Variants in DAB1 observed in about 807,000 individuals in gnomAD.
DAB1 encodes the protein DAB adaptor protein 1.
DAB1 carries 15 observed loss-of-function variants against 64.6 expected under a neutral mutation model. The ratio of observed to expected loss-of-function variants is 0.23; its 90% CI spans 0.16 to 0.36. The LOEUF is 0.36. Among genes scored for constraint, DAB1 ranks in the 10% least tolerant of loss-of-function variants. DAB1 has a pLI of 1.00. For missense variants in DAB1, 596 were observed against 706.7 expected (o/e 0.84, Z 1.78); for synonymous variants, 235 against 251.9 (o/e 0.93, Z 0.64).
intron 5 of DAB1, among the ~76,000 whole-genome samples, chr1:57,963,671 C>T (rs765759855): frequency 1.1e-4 from 16 of 152,182 alleles, no homozygotes; most frequent in Non-Finnish European, 1.8e-4. Flanking sequence ...AGACACCCTG[C>T]GTCACGCCCA....
chr1:57,660,935 T>C (rs1369969923), intron 6 of DAB1, among the ~76,000 whole-genome samples: 1 of 152,180 alleles, frequency 6.6e-6, no homozygotes, highest in Admixed American at 6.5e-5. Flanking sequence ...ACTTTCCACA[T>C]GCAAACGTGT....
intron 1 of DAB1, among the ~76,000 whole-genome samples, chr1:57,875,578 C>T (rs1316526007): frequency 6.6e-6 from 1 of 152,146 alleles, no homozygotes; most frequent in African/African-American, 2.4e-5. Flanking sequence ...TAATGTGTGT[C>T]TAGCTCATTA....
At chr1:58,089,573 G>A (rs1422461128) in intron 5 of DAB1, among the ~76,000 whole-genome samples, 7 of 152,176 alleles carry the variant, frequency 4.6e-5, no homozygotes, top group African/African-American at 1.7e-4. Flanking sequence ...AAAATGGTCT[G>A]AATTCTTTAC....
chr1:58,247,557 T>G (rs1184253081), intron 4 of DAB1, among the ~76,000 whole-genome samples: 1 of 152,174 alleles, frequency 6.6e-6, no homozygotes, highest in Non-Finnish European at 1.5e-5. Context: ...TGTGGTACAA[T>G]GTGTATTTCA....
intron 6 of DAB1, among the ~76,000 whole-genome samples, chr1:57,764,080 G>A (rs971477768): frequency 6.6e-6 from 1 of 152,236 alleles, no homozygotes; most frequent in Non-Finnish European, 1.5e-5. Flanking sequence ...AGAATACGAA[G>A]TTAATTACCT....
chr1:58,196,573 G>T (rs181227278), intron 4 of DAB1, among the ~76,000 whole-genome samples: 1 of 152,252 alleles, frequency 6.6e-6, no homozygotes, highest in East Asian at 1.9e-4. Context: ...ATTTACAAAG[G>T]AAAGAGACTT....
chr1:57,026,341 G>A (rs1357302476), intron 9 of DAB1, among the ~76,000 whole-genome samples: 2 of 152,242 alleles, frequency 1.3e-5, no homozygotes, highest in East Asian at 3.9e-4. Context: ...ACCATCAAAT[G>A]CCAGCAATGT....
intron 4 of DAB1, among the ~76,000 whole-genome samples, chr1:58,338,647 T>C (rs1469499143): frequency 1.3e-5 from 2 of 152,138 alleles, no homozygotes; most frequent in Non-Finnish European, 2.9e-5. Flanking sequence ...CATGGTTTTG[T>C]AGGAGTGACA....
chr1:57,175,315 ATTT>A (rs35191101), intron 2 of DAB1, among the ~76,000 whole-genome samples: 52 of 143,978 alleles, frequency 3.6e-4, no homozygotes, highest in South Asian at 3.1e-3. Flanking sequence ...CAGACTTTAA[ATTT>A]TTTTTTTTTT....
intron 2 of DAB1, among the ~76,000 whole-genome samples, chr1:57,201,879 A>AATGC (rs138253024): frequency 3.3e-5 from 5 of 152,244 alleles, no homozygotes; most frequent in African/African-American, 4.8e-5. Flanking sequence ...TGAATGAATA[A>AATGC]ATGCATGCAT....
chr1:58,387,219 G>A (rs981016197), intron 3 of DAB1, among the ~76,000 whole-genome samples: 2 of 152,220 alleles, frequency 1.3e-5, no homozygotes, highest in African/African-American at 2.4e-5. Flanking sequence ...CACTGCAGAG[G>A]CCAAGGGAAA....
At chr1:58,467,915 GTTTT>G (rs1229643662) in intron 3 of DAB1, 5 of 152,656 alleles carry the variant, frequency 3.3e-5, no homozygotes, top group African/African-American at 9.6e-5. Flanking sequence ...TGTGTTTTTG[GTTTT>G]TTTGTTTGTT....
At chr1:57,764,377 C>G (rs1306054564) in intron 6 of DAB1, among the ~76,000 whole-genome samples, 1 of 152,104 alleles carries the variant, frequency 6.6e-6, no homozygotes, top group African/African-American at 2.4e-5. Context: ...ATGTAGTGAT[C>G]AAATCATTGT....
chr1:58,034,174 T>C (rs1454666255), intron 5 of DAB1, among the ~76,000 whole-genome samples: 1 of 152,258 alleles, frequency 6.6e-6, no homozygotes, highest in East Asian at 1.9e-4. Context: ...TCTCTGGCTC[T>C]GTTGCTCGCT....
At chr1:57,802,671 G>A (rs1276438721) in intron 6 of DAB1, among the ~76,000 whole-genome samples, 1 of 152,038 alleles carries the variant, frequency 6.6e-6, no homozygotes, top group Non-Finnish European at 1.5e-5. Flanking sequence ...ATGAGATCTG[G>A]TTGTTTAAAA....
At chr1:57,513,459 T>C (rs1009454866) in intron 7 of DAB1, among the ~76,000 whole-genome samples, 13 of 152,194 alleles carry the variant, frequency 8.5e-5, no homozygotes, top group African/African-American at 3.1e-4. Flanking sequence ...GCCATCAATC[T>C]TATTATTAGT....
intron 1 of DAB1, among the ~76,000 whole-genome samples, chr1:57,844,295 T>G (rs1412769085): frequency 6.6e-6 from 1 of 152,250 alleles, no homozygotes; most frequent in Non-Finnish European, 1.5e-5. Flanking sequence ...AGCCCTGCTT[T>G]TTCCTCTTTT....
At chr1:57,050,340 A>T (rs1052510234) in intron 9 of DAB1, among the ~76,000 whole-genome samples, 4 of 152,162 alleles carry the variant, frequency 2.6e-5, no homozygotes, top group African/African-American at 9.7e-5. Flanking sequence ...TTGTCATTCT[A>T]ACACCTGAAA....
chr1:57,025,433 G>C (rs758955820), intron 10 of DAB1, among the ~76,000 whole-genome samples: 41 of 152,132 alleles, frequency 2.7e-4, no homozygotes, highest in Non-Finnish European at 5.3e-4. Context: ...CAAAGCTGAA[G>C]GGCAGGCTGG....
Sources: allele counts gnomAD v4.1 joint callset (sites outside exome capture counted in the v4.1 genomes callset), GRCh38; gene constraint gnomAD v4.1.1; transcripts MANE v1.5; gene names NCBI Gene and HGNC (gene_info 2026-07-23, HGNC 2026-07-21).